Variants in CSMD1 observed in about 807,000 individuals in gnomAD.
CSMD1 encodes the protein CUB and Sushi multiple domains 1.
A neutral mutation model predicts 417.5 loss-of-function variants in CSMD1; 213 were observed. The observed-to-expected ratio is 0.51, with a 90% confidence interval of 0.46 to 0.57. The LOEUF is 0.57. Among genes scored for constraint, CSMD1 ranks in the 20% least tolerant of loss-of-function variants. The pLI, the probability that CSMD1 is intolerant of heterozygous loss-of-function variation, is 0.00. For synonymous variants in CSMD1, 2,862 were observed against 1,736.8 expected, an observed-to-expected ratio of 1.65 and a Z score of -16.11; for missense variants, 6,923 against 4,529.7, an observed-to-expected ratio of 1.53 and a Z score of -15.17.
chr8:3,106,125 C>G (rs1816118507), intron 46 of CSMD1, among the ~76,000 whole-genome samples: 1 of 151,790 alleles, frequency 6.6e-6, no homozygotes, highest in Admixed American at 6.6e-5. Context: ...GTGGCTCATG[C>G]CTGCAATCCT....
intron 5 of CSMD1, among the ~76,000 whole-genome samples, chr8:3,925,131 G>C (rs146492719): frequency 3.3e-5 from 5 of 152,178 alleles, no homozygotes; most frequent in Non-Finnish European, 7.3e-5. Flanking sequence ...CTGAGGCAGA[G>C]CCACCCAGCT....
chr8:4,049,984 G>A (rs540969886), intron 3 of CSMD1, among the ~76,000 whole-genome samples: 7 of 152,096 alleles, frequency 4.6e-5, no homozygotes, highest in South Asian at 2.1e-4. Flanking sequence ...GCAGCTTCTC[G>A]GACCTCCCTT....
At chr8:4,195,533 G>C (rs1376595186) in intron 3 of CSMD1, among the ~76,000 whole-genome samples, 1 of 152,204 alleles carries the variant, frequency 6.6e-6, no homozygotes, top group African/African-American at 2.4e-5. Context: ...TTGACTGTGA[G>C]AAAGACTTGT....
chr8:3,616,237 T>C (rs1049539707), intron 8 of CSMD1, among the ~76,000 whole-genome samples: 31 of 152,298 alleles, frequency 2.0e-4, no homozygotes, highest in South Asian at 6.2e-4. Context: ...TGAGAGGCAA[T>C]TGAATCATGG....
intron 7 of CSMD1, among the ~76,000 whole-genome samples, chr8:3,664,754 T>C (rs539844080): frequency 9.9e-5 from 15 of 152,260 alleles, no homozygotes; most frequent in African/African-American, 3.1e-4. Context: ...CAGGTTAACA[T>C]TGAAAATAAA....
intron 1 of CSMD1, among the ~76,000 whole-genome samples, chr8:4,967,614 C>A (rs1461615612): frequency 6.6e-6 from 1 of 152,106 alleles, no homozygotes; most frequent in Non-Finnish European, 1.5e-5. Context: ...AGTACCTATA[C>A]TTCGGTTCTA....
chr8:4,456,325 A>G (rs145350193), intron 2 of CSMD1, among the ~76,000 whole-genome samples: 1 of 152,196 alleles, frequency 6.6e-6, no homozygotes, highest in Non-Finnish European at 1.5e-5. Context: ...GTAATAAAAA[A>G]ATTAGTCATA....
intron 41 of CSMD1, among the ~76,000 whole-genome samples, chr8:3,130,647 C>T (rs1052597237): frequency 6.6e-6 from 1 of 152,116 alleles, no homozygotes; most frequent in East Asian, 1.9e-4. Flanking sequence ...CTCAACTCAT[C>T]GGGCTTCTCT....
chr8:4,226,420 T>C (rs1337687740), intron 3 of CSMD1, among the ~76,000 whole-genome samples: 2 of 152,174 alleles, frequency 1.3e-5, no homozygotes, highest in Middle Eastern at 3.2e-3. Context: ...AAACATAACA[T>C]GCAGAATTAA....
chr8:4,777,750 C>T (rs1382817196), intron 1 of CSMD1, among the ~76,000 whole-genome samples: 1 of 152,178 alleles, frequency 6.6e-6, no homozygotes, highest in East Asian at 1.9e-4. Flanking sequence ...AAATGTAATA[C>T]ATGCACATGT....
In CSMD1 at chr8:4,648,327, C is replaced by T. The variant is rs539412108; in HGVS notation, c.86-10769G>A. On this transcript the variant is annotated intron_variant, in intron 1 of 69. Transcript: ENST00000635120. ...TGTTCCTGCTTCCCCACCTGTGAGT[C>T]ACTTAGGATATAATGACATGATCCA... Among the ~76,000 whole-genome samples, 6 of 152,200 alleles carry T rather than the reference C, an allele frequency of 3.9e-5. No homozygotes were observed. The South Asian group carries it at 1.2e-3, about 32-fold the overall frequency.
At chr8:4,676,632 A>T (rs183763369) in intron 1 of CSMD1, among the ~76,000 whole-genome samples, 126 of 152,282 alleles carry the variant, frequency 8.3e-4, no homozygotes, top group Non-Finnish European at 1.6e-3. Flanking sequence ...CACCTGCAGC[A>T]ATCTGTTTTC....
chr8:3,792,059 C>T (rs922714954), intron 5 of CSMD1, among the ~76,000 whole-genome samples: 1 of 152,074 alleles, frequency 6.6e-6, no homozygotes, highest in East Asian at 1.9e-4. Flanking sequence ...AAAGTTTAAC[C>T]AAATCTCTAT....
chr8:4,380,721 C>G (rs6558873), intron 3 of CSMD1, among the ~76,000 whole-genome samples: 1 of 152,084 alleles, frequency 6.6e-6, no homozygotes, highest in African/African-American at 2.4e-5. Flanking sequence ...GATGTTGTAT[C>G]TATGGGAGCA....
At chr8:4,757,454 C>A (rs1320113058) in intron 1 of CSMD1, among the ~76,000 whole-genome samples, 1 of 152,254 alleles carries the variant, frequency 6.6e-6, no homozygotes, top group East Asian at 1.9e-4. Context: ...GGAAGGTTAA[C>A]TGACTTATTC....
rs893240667 is a variant in CSMD1, at chr8:4,632,933, G to A, written c.302+4409C>T. Among the ~76,000 whole-genome samples, 213 of 152,286 alleles carry A rather than the reference G, an allele frequency of 1.4e-3. 9 individuals carry two copies. Among genetic ancestry groups the A allele is most frequent in the Non-Finnish European group, 1.5e-3 (103 of 68,020 alleles). On this transcript the variant is annotated intron_variant, in intron 2 of 69. Transcript: ENST00000635120. ...CCACAGATCTGTGCAACTGAACAAG[G>A]ATACTTTTCAGGGGACAAACGGGAG...
intron 3 of CSMD1, among the ~76,000 whole-genome samples, chr8:4,412,238 G>C (rs995909982): frequency 3.3e-5 from 5 of 152,104 alleles, no homozygotes; most frequent in African/African-American, 1.2e-4. Flanking sequence ...GGCCTGGTAG[G>C]AGGTGACTAG....
At chr8:4,050,596 T>A (rs1798374611) in intron 3 of CSMD1, among the ~76,000 whole-genome samples, 1 of 152,054 alleles carries the variant, frequency 6.6e-6, no homozygotes, top group African/African-American at 2.4e-5. Flanking sequence ...AAATATACAA[T>A]TAAATTATTG....
intron 33 of CSMD1, among the ~76,000 whole-genome samples, 155 bp downstream of exon 33, chr8:3,199,559 A>G (rs1796880130): frequency 6.6e-6 from 1 of 152,212 alleles, no homozygotes; most frequent in South Asian, 2.1e-4. Flanking sequence ...TATTTTTATT[A>G]AATAATTTTA....
Sources: allele counts gnomAD v4.1 joint callset (sites outside exome capture counted in the v4.1 genomes callset), GRCh38; gene constraint gnomAD v4.1.1; transcripts MANE v1.5; gene names NCBI Gene and HGNC (gene_info 2026-07-23, HGNC 2026-07-21).